The following PCMT1 variants were observed in gnomAD, a reference collection of about 807,000 sequenced individuals.
PCMT1 encodes protein-L-isoaspartate(D-aspartate) O-methyltransferase.
A neutral mutation model predicts 29.2 loss-of-function variants in PCMT1; 9 were observed. The observed-to-expected ratio is 0.31, with a 90% confidence interval of 0.19 to 0.54. The LOEUF (loss-of-function observed/expected upper bound fraction) is 0.54, where lower values mean the gene tolerates loss of function less well. Ranked by LOEUF, PCMT1 falls within the 20% of genes least tolerant of loss-of-function variation. The pLI, the probability that PCMT1 is intolerant of heterozygous loss-of-function variation, is 0.95. For synonymous variants in PCMT1, 98 were observed against 97.5 expected (o/e 1.00, Z -0.03); for missense variants, 184 against 282.2 (o/e 0.65, Z 2.49).
intron 1 of PCMT1, among the ~76,000 whole-genome samples, chr6:149,770,021 G>A (rs188468978): frequency 3.6e-4 from 55 of 152,240 alleles, no homozygotes; most frequent in Non-Finnish European, 6.5e-4. Context: ...TCCTGCCTCT[G>A]TGACTGCTCA....
intron 7 of PCMT1, among the ~76,000 whole-genome samples, chr6:149,804,110 A>T (rs1775938166): frequency 6.6e-6 from 1 of 151,730 alleles, no homozygotes; most frequent in African/African-American, 2.4e-5. Context: ...AAAATTAAAA[A>T]GGCATTTAAA....
At chr6:149,757,108 C>G (rs958163919) in intron 1 of PCMT1, among the ~76,000 whole-genome samples, 1 of 152,048 alleles carries the variant, frequency 6.6e-6, no homozygotes, top group Non-Finnish European at 1.5e-5. Context: ...GACCTGAGAT[C>G]GCTCCATTGT....
intron 1 of PCMT1, among the ~76,000 whole-genome samples, chr6:149,768,444 ATTTTTTTTTTT>A (rs548328646): frequency 2.6e-5 from 2 of 75,854 alleles, no homozygotes; most frequent in African/African-American, 6.6e-5. Flanking sequence ...TTAGTCTTGA[ATTTTTTTTTTT>A]TTTTTTTTTT....
intron 4 of PCMT1, among the ~76,000 whole-genome samples, chr6:149,792,887 G>A (rs1448668504): frequency 6.6e-6 from 1 of 152,160 alleles, no homozygotes. Context: ...GAGGCAGGGT[G>A]TGTGGTGGCT....
chr6:149,785,996 G>T (rs1278542101), intron 3 of PCMT1, among the ~76,000 whole-genome samples: 1 of 149,756 alleles, frequency 6.7e-6, no homozygotes, highest in Non-Finnish European at 1.5e-5. Flanking sequence ...GGGCAGAGGC[G>T]CCCCTCACCT....
chr6:149,782,947 G>A (rs1787875566), intron 3 of PCMT1, among the ~76,000 whole-genome samples: 1 of 152,150 alleles, frequency 6.6e-6, no homozygotes, highest in South Asian at 2.1e-4. Context: ...CTTGAGCCCA[G>A]GAGTTCAAGA....
chr6:149,770,480 G>A (rs934127159), intron 1 of PCMT1, among the ~76,000 whole-genome samples: 11 of 152,082 alleles, frequency 7.2e-5, no homozygotes, highest in Non-Finnish European at 4.4e-5. Flanking sequence ...GCTGAGGTGG[G>A]TGGATCATGA....
Position 149,794,147 on chromosome 6 carries a change from A to G in PCMT1, c.418+478A>G, listed in dbSNP as rs78642355. ...GTGTCCTTTTTAAGGATACTCTGAG[A>G]CCATGAAGATATGTCTCTTATTATT... On this transcript the variant is annotated intron_variant, in intron 5 of 7. Coordinates refer to ENST00000464889, the MANE Select transcript of PCMT1 (RefSeq NM_001360452.2). 5.4e-3 allele frequency among the ~76,000 whole-genome samples: 823 copies of G among 152,258 alleles called. 7 individuals are homozygous for G. Among genetic ancestry groups the G allele is most frequent in the African/African-American group, 0.019 (796 of 41,558 alleles).
At chr6:149,805,571 G>A (rs919785344) in intron 7 of PCMT1, among the ~76,000 whole-genome samples, 3 of 151,808 alleles carry the variant, frequency 2.0e-5, no homozygotes, top group African/African-American at 7.3e-5. Context: ...TCCAGCCTGG[G>A]CAACAGAGCG....
At chr6:149,804,060 G>A (rs1775934112) in intron 7 of PCMT1, among the ~76,000 whole-genome samples, 1 of 116,044 alleles carries the variant, frequency 8.6e-6, no homozygotes, top group Non-Finnish European at 1.6e-5. Flanking sequence ...TAGCCTGGGT[G>A]ACAGAGCGAG....
At chr6:149,808,293 C>T (rs1362355334) in intron 7 of PCMT1, among the ~76,000 whole-genome samples, 3 of 151,942 alleles carry the variant, frequency 2.0e-5, no homozygotes, top group Non-Finnish European at 4.4e-5. Context: ...AAATTTAGTA[C>T]ATACTATTTT....
rs555430512 is a variant in PCMT1 at position 149,761,995 on chromosome 6, A to G, written c.56-9167A>G. ...ACCTTTCTGCTATTGAAGACTGTCA[A>G]ATGTTTTTCCTTTGTTTTTTAATGC... is the stretch of plus-strand genomic sequence containing the variant. On this transcript the variant is annotated intron_variant, in intron 1 of 7. Transcript: ENST00000464889. Among the ~76,000 whole-genome samples the G allele has an allele frequency of 2.2e-4, 34 of 152,168 alleles. No homozygotes were observed. The South Asian group carries it at 6.2e-3, about 28-fold the overall frequency.
At chr6:149,797,390 T>C (rs1788659697) in intron 6 of PCMT1, 1 of 151,904 alleles carries the variant, frequency 6.6e-6, no homozygotes, top group South Asian at 2.1e-4. Flanking sequence ...TCTTAAAGAA[T>C]AGTAGGATAT....
chr6:149,776,084 G>A (rs914875668), intron 3 of PCMT1, among the ~76,000 whole-genome samples: 8 of 152,060 alleles, frequency 5.3e-5, no homozygotes, highest in African/African-American at 7.2e-5. Context: ...GCTTGAACCC[G>A]GGAGGCAGAG....
chr6:149,786,376 C>A (rs1364554995), intron 3 of PCMT1, among the ~76,000 whole-genome samples: 2 of 127,168 alleles, frequency 1.6e-5, no homozygotes, highest in Non-Finnish European at 1.7e-5. Context: ...CTGACCCCCC[C>A]ACCTCCCTCC....
At chr6:149,785,362 T>C (rs866040612) in intron 3 of PCMT1, among the ~76,000 whole-genome samples, 2 of 149,696 alleles carry the variant, frequency 1.3e-5, no homozygotes, top group South Asian at 2.1e-4. Context: ...TTTCTTTTTT[T>C]TTTTTTTTTT....
At chr6:149,777,648 TTTTC>T (rs1439776257) in intron 3 of PCMT1, among the ~76,000 whole-genome samples, 1 of 152,148 alleles carries the variant, frequency 6.6e-6, no homozygotes, top group Non-Finnish European at 1.5e-5. Context: ...ACATATATGT[TTTTC>T]TTTGGGAATG....
At chr6:149,770,629 C>G (rs758937860) in intron 1 of PCMT1, among the ~76,000 whole-genome samples, 4 of 148,264 alleles carry the variant, frequency 2.7e-5, no homozygotes, top group Non-Finnish European at 5.9e-5. Flanking sequence ...TCACTTGAAC[C>G]TGGGAGGCGG....
In PCMT1 at chr6:149,810,786, C is replaced by A; in HGVS notation, c.*208C>A. ...TGTTTTTTTAGGGTTTCTGATTCTT[C>A]AAAGAGGCACAGAGCCAAATTGGTA... On this transcript the variant is annotated 3_prime_UTR_variant, in exon 8 of 8. Coordinates refer to ENST00000464889, the MANE Select transcript of PCMT1 (RefSeq NM_001360452.2). 1 of 539,890 alleles carries A rather than the reference C, an allele frequency of 1.9e-6. No individual in the cohort carries two copies. The highest frequency in any genetic ancestry group is 3.2e-5 in the South Asian group (1 of 30,924). 33.4% of individuals were successfully genotyped at this position (539,890 alleles called of 1,614,324 possible). A position where few individuals can be genotyped will look rare whatever the true frequency, so the allele number is the denominator to read the frequency against.
Sources: gnomAD v4.1 joint callset for allele counts (sites outside exome capture counted in the v4.1 genomes callset) on GRCh38, gnomAD v4.1.1 for gene constraint, MANE v1.5 for transcripts, NCBI Gene and HGNC (gene_info 2026-07-23, HGNC 2026-07-21) for gene names.